The following TPGS2 variants were observed in gnomAD, a reference collection of about 807,000 sequenced individuals.
TPGS2 encodes the protein polyglutamylase subunit 2.
A neutral mutation model predicts 31.1 loss-of-function variants in TPGS2; 26 were observed. That is an observed-to-expected ratio of 0.84 (90% confidence interval 0.61 to 1.16). TPGS2 has a LOEUF of 1.16. Among genes scored for constraint, TPGS2 ranks in the 50% most tolerant of loss-of-function variants. TPGS2 has a pLI of 0.00. For missense variants in TPGS2, 351 were observed against 363.8 expected (o/e 0.96, Z 0.29); for synonymous variants, 130 against 136.6 (o/e 0.95, Z 0.34).
chr18:36,796,540 A>G lies in TPGS2; in HGVS notation c.*265T>C. The G allele has an allele frequency of 7.9e-7, 1 of 1,265,582 alleles. No individual in the cohort carries two copies. 78.4% of individuals were successfully genotyped at this position (1,265,582 alleles called of 1,614,324 possible). On this transcript the variant is annotated 3_prime_UTR_variant, in exon 7 of 7. Transcript: ENST00000334295. Reference sequence around the variant, plus strand: ...AGGGATTGAGGGTTGAGTGTTGAAGAAGAGGAAAGCACTCAGACTTATTTG... The same window carrying G: ...AGGGATTGAGGGTTGAGTGTTGAAGGAGAGGAAAGCACTCAGACTTATTTG...
intron 6 of TPGS2, chr18:36,787,105 A>G (rs149338055): frequency 8.1e-6 from 10 of 1,232,440 alleles, no homozygotes; most frequent in Non-Finnish European, 1.0e-5. Context: ...ATAGGAATAC[A>G]TGGGTCTTGG....
chr18:36,798,248 G>A, intron 6 of TPGS2: 1 of 1,401,742 alleles, frequency 7.1e-7, no homozygotes, highest in East Asian at 2.5e-5. Flanking sequence ...AATCAGTCAA[G>A]TTTGGGAACC....
intron 2 of TPGS2, among the ~76,000 whole-genome samples, chr18:36,816,926 A>G (rs2045683300): frequency 6.6e-6 from 1 of 152,214 alleles, no homozygotes; most frequent in Non-Finnish European, 1.5e-5. Flanking sequence ...ACTAATACCT[A>G]AAGGGCTGAC....
At chr18:36,783,467 G>C (rs1246419835) in intron 6 of TPGS2, among the ~76,000 whole-genome samples, 1 of 152,154 alleles carries the variant, frequency 6.6e-6, no homozygotes, top group Admixed American at 6.5e-5. Context: ...AAGGTGTCTG[G>C]ATTTGGGTTT....
intron 2 of TPGS2, among the ~76,000 whole-genome samples, chr18:36,810,506 G>T (rs1195187710): frequency 1.3e-4 from 20 of 152,136 alleles, no homozygotes; most frequent in Admixed American, 1.3e-3. Flanking sequence ...TTTGGGGGGT[G>T]TGATAGGAGG....
chr18:36,822,450 T>C (rs1443315613), intron 1 of TPGS2, among the ~76,000 whole-genome samples: 2 of 152,176 alleles, frequency 1.3e-5, no homozygotes, highest in Non-Finnish European at 2.9e-5. Context: ...TCTAAAAGTG[T>C]GGGTGGTTGT....
At chr18:36,822,749 C>T (rs2045949873) in intron 1 of TPGS2, among the ~76,000 whole-genome samples, 1 of 152,114 alleles carries the variant, frequency 6.6e-6, no homozygotes, top group Admixed American at 6.5e-5. Flanking sequence ...TGCACACCAC[C>T]ACACTGGACT....
chr18:36,795,883 G>A lies in TPGS2; in HGVS notation c.*922C>T, dbSNP rs964460603. ...TGGAAAGCTTCTGTTAACAGTGTCT[G>A]GCACCATTAAAACTCTTTCTTTATG... On this transcript the variant is annotated 3_prime_UTR_variant, in exon 7 of 7. Transcript: ENST00000334295. 1.5e-5 allele frequency: 15 copies of A among 985,292 alleles called. No homozygotes were observed. The African/African-American group carries it at 2.1e-4, about 14-fold the overall frequency. 61.0% of individuals were successfully genotyped at this position (985,292 alleles called of 1,614,324 possible).
At chr18:36,800,820 G>A (rs2044773999) in intron 4 of TPGS2, among the ~76,000 whole-genome samples, 1 of 151,994 alleles carries the variant, frequency 6.6e-6, no homozygotes, top group South Asian at 2.1e-4. Context: ...CTCCCGAGTA[G>A]CTGGGACTAC....
intron 2 of TPGS2, 62 bp downstream of exon 2, chr18:36,818,832 C>T: frequency 6.9e-7 from 1 of 1,452,470 alleles, no homozygotes; most frequent in Non-Finnish European, 9.5e-7. Flanking sequence ...ATCTTTCCTT[C>T]TCAGGGACAT....
chr18:36,788,296 A>G (rs1048904559), intron 6 of TPGS2, among the ~76,000 whole-genome samples: 2 of 152,172 alleles, frequency 1.3e-5, no homozygotes, highest in Non-Finnish European at 2.9e-5. Context: ...CCCCAACACC[A>G]TGTCCCAGAA....
chr18:36,801,225 TG>T (rs777009680), intron 4 of TPGS2, among the ~76,000 whole-genome samples: 4 of 152,258 alleles, frequency 2.6e-5, no homozygotes, highest in Non-Finnish European at 5.9e-5. Flanking sequence ...GAATAGATGT[TG>T]CCAGATTGCT....
intron 2 of TPGS2, among the ~76,000 whole-genome samples, chr18:36,810,726 G>T (rs2045385049): frequency 6.6e-6 from 1 of 152,164 alleles, no homozygotes; most frequent in South Asian, 2.1e-4. Flanking sequence ...TTCTTCTCCT[G>T]AGATAATCTA....
Position 36,796,680 on chromosome 18 carries a change from C to A in TPGS2, c.*125G>T. 2 of 1,455,138 alleles carry A rather than the reference C, an allele frequency of 1.4e-6. No individual in the cohort carries two copies. The highest frequency in any genetic ancestry group is 1.8e-6 in the Non-Finnish European group (2 of 1,109,624). The allele number at this position is 1,455,138 out of a possible 1,614,324, so 90.1% of individuals were successfully genotyped here. A position where few individuals can be genotyped will look rare whatever the true frequency, so the allele number is the denominator to read the frequency against. ...AATGTCGGTGGGACTAAAAGCCTTA[C>A]AATTTTGGTCATTCAACTAGAAAGA... On this transcript the variant is annotated 3_prime_UTR_variant, in exon 7 of 7. Coordinates refer to ENST00000334295, the MANE Select transcript of TPGS2 (RefSeq NM_015476.4).
chr18:36,801,580 G>A (rs1407633182), intron 4 of TPGS2, among the ~76,000 whole-genome samples: 1 of 152,066 alleles, frequency 6.6e-6, no homozygotes, highest in African/African-American at 2.4e-5. Context: ...GTGATCCTCT[G>A]GCCTCAGCCT....
rs151209509 is a variant in TPGS2, at chr18:36,794,494, C to T, written c.*2311G>A. The T allele has an allele frequency of 1.4e-5, 14 of 985,350 alleles. No individual in the cohort carries two copies. The East Asian group carries it at 4.5e-4, about 32-fold the overall frequency. The allele number at this position is 985,350 out of a possible 1,614,324, so 61.0% of individuals were successfully genotyped here. ...GGGCTGATTTAGAAATGCTGTGATT[C>T]GGGGGATCTCCAAGTACTAAAAAAG... On this transcript the variant is annotated 3_prime_UTR_variant, in exon 7 of 7. Transcript: ENST00000334295.
chr18:36,804,967 G>A (rs543365313), intron 4 of TPGS2, among the ~76,000 whole-genome samples: 3 of 152,270 alleles, frequency 2.0e-5, no homozygotes, highest in African/African-American at 7.2e-5. Context: ...ATGCCAGAGG[G>A]AGACTTTATC....
Position 36,795,909 on chromosome 18 carries a change from A to T in TPGS2, c.*896T>A. On this transcript the variant is annotated 3_prime_UTR_variant, in exon 7 of 7. Transcript: ENST00000334295. ...GCACCATTAAAACTCTTTCTTTATG[A>T]AGAGTTGTGCAAAACAATGTTTGGG... 3 of 985,464 alleles carry T rather than the reference A, an allele frequency of 3.0e-6. No individual in the cohort carries two copies. Among genetic ancestry groups the T allele is most frequent in the Non-Finnish European group, 3.6e-6 (3 of 829,936 alleles). 61.0% of individuals were successfully genotyped at this position (985,464 alleles called of 1,614,324 possible).
In TPGS2 at chr18:36,800,325, A is replaced by C; in HGVS notation, c.383-14T>G. The C allele has an allele frequency of 6.2e-7, 1 of 1,611,520 alleles. No individual in the cohort carries two copies. The highest frequency in any genetic ancestry group is 1.1e-5 in the South Asian group (1 of 90,996). ...GATCATCACTGGCTGCAAACCCAGA[A>C]GTTAATGGTAATGTTCAAACAAACT... On this transcript the variant is annotated splice_polypyrimidine_tract_variant and intron_variant, in intron 4 of 6. Transcript: ENST00000334295.
Sources: allele counts gnomAD v4.1 joint callset (sites outside exome capture counted in the v4.1 genomes callset), GRCh38; gene constraint gnomAD v4.1.1; transcripts MANE v1.5; gene names NCBI Gene and HGNC (gene_info 2026-07-23, HGNC 2026-07-21).